Variants in MPI observed in about 807,000 individuals in gnomAD.
The protein encoded by MPI is mannose phosphate isomerase.
MPI carries 33 observed loss-of-function variants against 40.1 expected under a neutral mutation model. That is an observed-to-expected ratio of 0.82 (90% CI 0.62 to 1.10). The LOEUF is 1.10. Among genes scored for constraint, MPI ranks in the 50% least tolerant of loss-of-function variants. The pLI, the probability that MPI is intolerant of heterozygous loss-of-function variation, is 0.00. For synonymous variants in MPI, 187 were observed against 207.4 expected (o/e 0.90, Z 0.85); for missense variants, 514 against 524.1 (o/e 0.98, Z 0.19).
chr15:74,893,155 T>A lies in MPI; in HGVS notation c.505T>A (p.Phe169Ile), dbSNP rs981236841. The A allele has an allele frequency of 1.7e-5, 28 of 1,613,918 alleles. No individual in the cohort carries two copies. In the African/African-American group the frequency reaches 3.7e-4, roughly 22 times the overall value. Residue 169 changes from phenylalanine to isoleucine, a missense_variant, in exon 5 of 8, where the codon TTC becomes ATC. Transcript: ENST00000352410. ...TCCTGTAGAGGTGCCTGAGTTTCAG[T>A]TCCTGATTGGAGATGAGGCAGCAAC... ...TFLKKVPEFQ[F>I]LIGDEAATHL...
intron 1 of MPI, 24 bp from the exon 2 acceptor site, chr15:74,890,503 A>T (rs755687504): frequency 1.1e-5 from 17 of 1,613,668 alleles, no homozygotes; most frequent in Non-Finnish European, 1.4e-5. Context: ...GTGGAGTGGC[A>T]GCTGACCCTG....
rs2064769019 is a variant in MPI at position 74,894,047 on chromosome 15, T to TGG, written c.670+728_670+729insGG. Reference sequence around the variant, plus strand: ...CATATTTTTTTCTGTTCAGTGTGTGTGTGTGTGTGTGTGTGTGTGTGTGTG... The same window carrying TGG: ...CATATTTTTTTCTGTTCAGTGTGTGTGGGTGTGTGTGTGTGTGTGTGTGTGTG... On this transcript the variant is annotated intron_variant, in intron 5 of 7. Coordinates refer to ENST00000352410, the MANE Select transcript of MPI (RefSeq NM_002435.3). Among the ~76,000 whole-genome samples, 2 of 7,008 alleles carry TGG rather than the reference T, an allele frequency of 2.9e-4. 1 individual carries two copies. The highest frequency in any genetic ancestry group is 6.5e-4 in the Non-Finnish European group (2 of 3,098). 4.6% of individuals were successfully genotyped at this position (7,008 alleles called of 152,430 possible). A position where few individuals can be genotyped will look rare whatever the true frequency, so the allele number is the denominator to read the frequency against.
In MPI at chr15:74,892,754, G is replaced by T; in HGVS notation, c.439G>T (p.Gly147Cys). 6.2e-7 allele frequency: 1 copy of T among 1,614,254 alleles called. No individual in the cohort carries two copies. The highest frequency in any genetic ancestry group is 8.5e-7 in the Non-Finnish European group (1 of 1,180,052). Residue 147 changes from glycine (G) to cysteine (C), a missense_variant, in exon 4 of 8, where the codon GGC becomes TGC. By Grantham distance (159) the Gly-to-Cys change is radical. Transcript: ENST00000352410. ...EMAIALTPFQ[G>C]LCGFRPVEEI... ...GGCCATTGCCCTCACCCCCTTCCAG[G>T]GCTTGTGTGGCTTCCGGCCAGTTGA...
In MPI at chr15:74,897,281, G is replaced by A. The variant is rs529482507; in HGVS notation, c.1053+62G>A. 52 of 1,579,090 alleles carry A rather than the reference G, an allele frequency of 3.3e-5. 1 individual carries two copies. Among genetic ancestry groups the A allele is most frequent in the African/African-American group, 2.8e-4 (21 of 74,314 alleles). On this transcript the variant is annotated intron_variant, in intron 7 of 7. Transcript: ENST00000352410. ...CATGAAAATCTCTGGCAAGGGTCAC[G>A]ATGTGGAGGACACCTGGGGCTGGGT...
rs201676072 is a variant in MPI, at chr15:74,896,227, T to G, written c.746T>G (p.Ile249Ser). 1.9e-6 allele frequency: 3 copies of G among 1,614,148 alleles called. No individual in the cohort carries two copies. Among genetic ancestry groups the G allele is most frequent in the South Asian group, 2.2e-5 (2 of 91,086 alleles). ...CTGCACCAGCAGTACCCAGGTGATATCGGCTGCTTTGCCATCTACTTCCTG... is the reference window on the plus strand; with the variant it reads ...CTGCACCAGCAGTACCCAGGTGATAGCGGCTGCTTTGCCATCTACTTCCTG... ...LQLHQQYPGD[I>S]GCFAIYFLNL... is the part of the protein sequence containing the mutation. The change falls in exon 6 of 8, where the codon ATC (isoleucine) becomes AGC (serine). Residue 249 changes from isoleucine (I) to serine (S), a missense_variant. Physicochemically the swap from Ile to Ser is moderately radical, Grantham distance 142. Coordinates refer to ENST00000352410, the MANE Select transcript of MPI (RefSeq NM_002435.3).
Position 74,894,623 on chromosome 15 carries a change from C to CAAA in MPI, c.670+1317_670+1319dup, listed in dbSNP as rs199794406. Among the ~76,000 whole-genome samples, 340 of 126,836 alleles carry CAAA rather than the reference C, an allele frequency of 2.7e-3. 5 individuals carry two copies. Among genetic ancestry groups the CAAA allele is most frequent in the Middle Eastern group, 4.1e-3 (1 of 244 alleles). 83.2% of individuals were successfully genotyped at this position (126,836 alleles called of 152,430 possible). ...GGGGCAATAGAGTGAGACTCTGTCT[C>CAAA]AAAAAAAAAAAAAAAATGCTGGGCA... On this transcript the variant is annotated intron_variant, in intron 5 of 7. Coordinates refer to ENST00000352410, the MANE Select transcript of MPI (RefSeq NM_002435.3).
chr15:74,898,200 C>T lies in MPI; in HGVS notation c.*470C>T, dbSNP rs775795491. The stretch of plus-strand genomic sequence containing the variant: ...AACGCTGTTTACACCCTTGTTCTGT[C>T]AAAGCAATTAAAGATCACTTGTGTT... On this transcript the variant is annotated 3_prime_UTR_variant, in exon 8 of 8. Coordinates refer to ENST00000352410, the MANE Select transcript of MPI (RefSeq NM_002435.3). 7.3e-6 allele frequency: 2 copies of T among 273,414 alleles called. No homozygotes were observed. The highest frequency in any genetic ancestry group is 2.2e-5 in the African/African-American group (1 of 46,016). The allele number at this position is 273,414 out of a possible 1,614,324, so 16.9% of individuals were successfully genotyped here.
rs1306729426 is a variant in MPI, at chr15:74,892,819, G to A, written c.487+17G>A. ...TTCTAAAGAGTAAGTTGGGCAGAAT[G>A]CTGAAGGCATGCGTACTGGGCCAGG... On this transcript the variant is annotated intron_variant, in intron 4 of 7. Transcript: ENST00000352410. 1.2e-6 allele frequency: 2 copies of A among 1,614,234 alleles called. No homozygotes were observed. Among genetic ancestry groups the A allele is most frequent in the East Asian group, 4.5e-5 (2 of 44,888 alleles).
At chr15:74,893,389 T>A in intron 5 of MPI, 69 bp downstream of exon 5, 1 of 1,568,792 alleles carries the variant, frequency 6.4e-7, no homozygotes, top group South Asian at 1.1e-5. Flanking sequence ...CACCAGACTC[T>A]GGGGACAGTT....
intron 5 of MPI, among the ~76,000 whole-genome samples, chr15:74,894,096 GTGTGTGTGTGT>G (rs2064776245): frequency 9.2e-5 from 2 of 21,744 alleles, no homozygotes; most frequent in Admixed American, 1.0e-3. Flanking sequence ...GTGTGTGTGT[GTGTGTGTGTGT>G]GGTCTCTTTC....
rs1240811260 is a variant in MPI, at chr15:74,898,964, G to A, written c.*1234G>A. On this transcript the variant is annotated 3_prime_UTR_variant, in exon 8 of 8. Coordinates refer to ENST00000352410, the MANE Select transcript of MPI (RefSeq NM_002435.3). ...TTCAAGCCACAGTGGCAAAGTTGAA[G>A]AGTTGCACTAGACTGTACGGCCTGC... 1 of 152,318 alleles carries A rather than the reference G, an allele frequency of 6.6e-6. No individual in the cohort carries two copies. The highest frequency in any genetic ancestry group is 1.5e-5 in the Non-Finnish European group (1 of 68,110). 9.4% of individuals were successfully genotyped at this position (152,318 alleles called of 1,614,324 possible).
At position 74,893,261 on chromosome 15, in the gene MPI, G is replaced by A. The variant is rs752287684; in HGVS notation, c.611G>A (p.Ser204Asn). ...LQSCFSHLMK[S>N]EKKVVVEQLN... is the part of the protein sequence containing the mutation. Reference sequence around the variant, plus strand: ...AGCTGTTTCTCCCACCTGATGAAGAGTGAGAAGAAGGTGGTGGTGGAACAG... The same window carrying A: ...AGCTGTTTCTCCCACCTGATGAAGAATGAGAAGAAGGTGGTGGTGGAACAG... Residue 204 changes from serine to asparagine, a missense_variant, in exon 5 of 8, where the codon AGT becomes AAT. Physicochemically the swap from Ser to Asn is conservative, Grantham distance 46. Coordinates refer to ENST00000352410, the MANE Select transcript of MPI (RefSeq NM_002435.3). 1 of 1,614,254 alleles carries A rather than the reference G, an allele frequency of 6.2e-7. No homozygotes were observed. Among genetic ancestry groups the A allele is most frequent in the Non-Finnish European group, 8.5e-7 (1 of 1,180,044 alleles).
Position 74,892,803 on chromosome 15 carries a change from GT to G in MPI, c.487+2del, listed in dbSNP as rs1057516550. 52 of 1,614,132 alleles carry G rather than the reference GT, an allele frequency of 3.2e-5. No homozygotes were observed. The highest frequency in any genetic ancestry group is 4.3e-5 in the Non-Finnish European group (51 of 1,180,048). On this transcript the variant is annotated splice_donor_variant, in intron 4 of 7. Transcript: ENST00000352410. LOFTEE classifies it high-confidence loss of function. ...GAGGAGATTGTAACCTTTCTAAAGAGTAAGTTGGGCAGAATGCTGAAGGCAT... is the reference window on the plus strand; with the variant it reads ...GAGGAGATTGTAACCTTTCTAAAGAGAAGTTGGGCAGAATGCTGAAGGCAT...
In MPI at chr15:74,892,527, C is replaced by T; in HGVS notation, c.346-134C>T. The T allele has an allele frequency of 2.3e-6, 3 of 1,330,764 alleles. No homozygotes were observed. The Admixed American group carries it at 5.6e-5, about 25-fold the overall frequency. The allele number at this position is 1,330,764 out of a possible 1,614,324, so 82.4% of individuals were successfully genotyped here. A position where few individuals can be genotyped will look rare whatever the true frequency, so the allele number is the denominator to read the frequency against. On this transcript the variant is annotated intron_variant, in intron 3 of 7. Transcript: ENST00000352410. ...TTCTGCAACATGCTTTGACTGGGCT[C>T]CTTGCCAGAGGTAGGTAGTCACTGC... is the stretch of plus-strand genomic sequence containing the variant.
intron 5 of MPI, among the ~76,000 whole-genome samples, chr15:74,894,963 T>C (rs893142775): frequency 2.6e-5 from 4 of 151,100 alleles, no homozygotes; most frequent in Non-Finnish European, 4.4e-5. Flanking sequence ...CTCTGAGACA[T>C]AGAACTTTCT....
intron 1 of MPI, 65 bp downstream of exon 1, chr15:74,890,154 C>T (rs763899301): frequency 1.4e-5 from 22 of 1,596,346 alleles, no homozygotes; most frequent in Non-Finnish European, 1.8e-5. Flanking sequence ...CGACTCCCGG[C>T]ATTATCGGCC....
At chr15:74,890,714 G>A (rs1415571572) in intron 2 of MPI, 60 bp downstream of exon 2, 53 of 1,605,584 alleles carry the variant, frequency 3.3e-5, no homozygotes, top group South Asian at 5.5e-5. Context: ...AGGGCCTGAG[G>A]CAAGTCATAA....
chr15:74,891,996 C>CTTT lies in MPI; in HGVS notation c.345+428_345+430dup, dbSNP rs796229708. The stretch of plus-strand genomic sequence containing the variant: ...CCTAAGCAACTGTGGATCAAAACTC[C>CTTT]TTTTTTTTTTTTTCTGAGACTTGAG... On this transcript the variant is annotated intron_variant, in intron 3 of 7. Coordinates refer to ENST00000352410, the MANE Select transcript of MPI (RefSeq NM_002435.3). 2.0e-5 allele frequency among the ~76,000 whole-genome samples: 3 copies of CTTT among 146,638 alleles called. No homozygotes were observed. In the East Asian group the frequency reaches 5.9e-4, roughly 29 times the overall value.
At chr15:74,895,113 G>GT (rs1335844855) in intron 5 of MPI, among the ~76,000 whole-genome samples, 4 of 146,166 alleles carry the variant, frequency 2.7e-5, no homozygotes, top group African/African-American at 1.0e-4. Context: ...TTACAGGCAC[G>GT]TGCCACCACA....
Sources: allele counts gnomAD v4.1 joint callset (sites outside exome capture counted in the v4.1 genomes callset), GRCh38; gene constraint gnomAD v4.1.1; transcripts MANE v1.5; gene names NCBI Gene and HGNC (gene_info 2026-07-23, HGNC 2026-07-21).